The following KCTD1 variants were observed in gnomAD, a reference collection of about 807,000 sequenced individuals.
KCTD1 encodes the protein BTB/POZ domain-containing protein KCTD1.
In KCTD1, 24 loss-of-function variants were observed where a neutral mutation model predicts 66.0. The ratio of observed to expected loss-of-function variants is 0.36; its 90% confidence interval spans 0.26 to 0.51. The LOEUF (loss-of-function observed/expected upper bound fraction) is 0.51. Ranked by LOEUF, KCTD1 falls within the 20% of genes least tolerant of loss-of-function variation. The pLI is 0.95. For missense variants in KCTD1, 943 were observed against 1,205.2 expected (o/e 0.78, Z 3.22); for synonymous variants, 511 against 517.2 (o/e 0.99, Z 0.16).
chr18:26,642,067 T>C (rs991379077), upstream of KCTD1, among the ~76,000 whole-genome samples: 1 of 152,208 alleles, frequency 6.6e-6, no homozygotes, highest in Non-Finnish European at 1.5e-5. Context: ...CTTCCCTGCC[T>C]GACACTTTTC....
At chr18:26,519,234 C>T (rs1056375752) in intron 1 of KCTD1, among the ~76,000 whole-genome samples, 2 of 152,280 alleles carry the variant, frequency 1.3e-5, no homozygotes, top group African/African-American at 4.8e-5. Flanking sequence ...TAGATAGTCA[C>T]TGCTTAAAGA....
chr18:26,455,936 T>A (rs1338437499), intron 4 of KCTD1, 35 bp from the exon 5 acceptor site: 1 of 1,603,676 alleles, frequency 6.2e-7, no homozygotes, highest in African/African-American at 1.3e-5. Flanking sequence ...CAGTTAGGGG[T>A]GAGGTAAGTC....
At position 26,584,788 on chromosome 18, in the gene KCTD1, A is replaced by G. The variant is rs527981322; in HGVS notation, c.-16+44359T>C. On this transcript the variant is annotated intron_variant, in intron 1 of 4. Coordinates refer to the KCTD1 transcript ENST00000317932. ...TGAGGCAAGAAAGGGTTCCTAGAGT[A>G]GGTGAAGTATAAACTGAGTGCTGAA... Among the ~76,000 whole-genome samples the G allele has an allele frequency of 9.2e-5, 14 of 152,292 alleles. No homozygotes were observed. In the South Asian group the frequency reaches 2.7e-3, roughly 29 times the overall value.
chr18:26,657,007 C>G (rs1235275323), intron 1 of KCTD1, among the ~76,000 whole-genome samples: 1 of 150,356 alleles, frequency 6.7e-6, no homozygotes, highest in African/African-American at 2.4e-5. Context: ...GCCACGGCGG[C>G]TCCTCTCCGA....
At chr18:26,556,763 C>A (rs1985716559) in intron 1 of KCTD1, among the ~76,000 whole-genome samples, 1 of 152,098 alleles carries the variant, frequency 6.6e-6, no homozygotes, top group Admixed American at 6.5e-5. Flanking sequence ...ATAACTTGCC[C>A]AACCTCACAG....
At chr18:26,619,640 G>A (rs1430861370) in intron 1 of KCTD1, among the ~76,000 whole-genome samples, 1 of 152,168 alleles carries the variant, frequency 6.6e-6, no homozygotes, top group Non-Finnish European at 1.5e-5. Flanking sequence ...TAAGGCCTGG[G>A]CACTGGAATC....
intron 1 of KCTD1, among the ~76,000 whole-genome samples, chr18:26,615,326 G>T (rs1226680225): frequency 6.6e-6 from 1 of 152,168 alleles, no homozygotes; most frequent in East Asian, 1.9e-4. Flanking sequence ...TGGAGCAAGG[G>T]TGGGTTATGT....
rs117754981 is a variant in KCTD1, at chr18:26,564,585, G to A, written c.-15-63335C>T. Among the ~76,000 whole-genome samples the A allele has an allele frequency of 1.2e-3, 189 of 152,178 alleles. 1 individual carries two copies. In the East Asian group the frequency reaches 0.022, roughly 18 times the overall value. On this transcript the variant is annotated intron_variant, in intron 1 of 4. Coordinates refer to the KCTD1 transcript ENST00000317932. ...CCCAGCAAGGCTGCCGTGTGTGTAT[G>A]TGTGTGTGTAATAACAGTTTCAGGC...
intron 3 of KCTD1, among the ~76,000 whole-genome samples, chr18:26,464,491 G>T (rs560841139): frequency 1.2e-4 from 18 of 152,360 alleles, no homozygotes; most frequent in Admixed American, 7.8e-4. Context: ...TGTATTCACA[G>T]GTTCTGAGGA....
chr18:26,458,179 C>T (rs1305089020), intron 4 of KCTD1: 1 of 152,386 alleles, frequency 6.6e-6, no homozygotes, highest in Admixed American at 6.5e-5. Flanking sequence ...AACCCTGCGA[C>T]CCAGCAGCCA....
intron 1 of KCTD1, among the ~76,000 whole-genome samples, chr18:26,606,788 T>C (rs1018031959): frequency 7.2e-5 from 11 of 152,328 alleles, no homozygotes; most frequent in Admixed American, 2.6e-4. Context: ...AGGTGACACA[T>C]AGACTCGTGT....
intron 2 of KCTD1, among the ~76,000 whole-genome samples, chr18:26,482,378 G>A (rs1244189154): frequency 1.3e-5 from 2 of 152,120 alleles, no homozygotes; most frequent in African/African-American, 4.8e-5. Context: ...TCAAACTGCT[G>A]GTACAATCAT....
chr18:26,578,429 C>G (rs1373268522), intron 1 of KCTD1, among the ~76,000 whole-genome samples: 1 of 152,142 alleles, frequency 6.6e-6, no homozygotes, highest in Non-Finnish European at 1.5e-5. Context: ...TTAGTATTTG[C>G]TCCTATTTAT....
chr18:26,559,462 G>A (rs980958662), intron 1 of KCTD1, among the ~76,000 whole-genome samples: 1 of 152,246 alleles, frequency 6.6e-6, no homozygotes, highest in African/African-American at 2.4e-5. Context: ...GATTCAGCCA[G>A]TCTGGGGTGG....
chr18:26,653,743 AC>A (rs752338039), intron 1 of KCTD1, among the ~76,000 whole-genome samples: 29 of 152,248 alleles, frequency 1.9e-4, no homozygotes, highest in South Asian at 2.1e-4. Context: ...AAACTCATCA[AC>A]AAGCAAAACA....
chr18:26,466,464 T>C (rs1214571031), intron 3 of KCTD1, among the ~76,000 whole-genome samples: 1 of 152,218 alleles, frequency 6.6e-6, no homozygotes, highest in Non-Finnish European at 1.5e-5. Context: ...AGGAGTAATT[T>C]TGACACTAGA....
intron 1 of KCTD1, among the ~76,000 whole-genome samples, chr18:26,606,048 CAGG>C (rs56335649): frequency 0.061 from 9,240 of 152,130 alleles, 289 homozygotes; most frequent in Admixed American, 0.078. Flanking sequence ...CAGCTCAAAG[CAGG>C]AGATTTCAGG....
Position 26,501,169 on chromosome 18 carries a change from C to A in KCTD1, c.1891G>T (p.Ala631Ser). 2 of 1,614,130 alleles carry A rather than the reference C, an allele frequency of 1.2e-6. No individual in the cohort carries two copies. The highest frequency in any genetic ancestry group is 8.5e-7 in the Non-Finnish European group (1 of 1,180,026). ...GGCGCATTGGATTTTGTGAGTTGTG[C>A]TGGAGTAGGGATGCCTTGGTTGTTC... is the stretch of plus-strand genomic sequence containing the variant. ...PLNNQGIPTP[A>S]QLTKSNAPVH... The change falls in exon 2 of 5, where the codon GCA (alanine) becomes TCA (serine). Residue 631 changes from alanine to serine, a missense_variant. Ala to Ser is a moderately conservative substitution (Grantham distance 99). Coordinates refer to ENST00000580059, the MANE Select transcript of KCTD1 (RefSeq NM_001142730.3).
chr18:26,636,457 C>A (rs1291121595), intron 1 of KCTD1, among the ~76,000 whole-genome samples: 4 of 152,186 alleles, frequency 2.6e-5, no homozygotes, highest in African/African-American at 9.7e-5. Flanking sequence ...TCCTTCCCTG[C>A]TGCCTGAGAC....
Sources: gnomAD v4.1 joint callset for allele counts (sites outside exome capture counted in the v4.1 genomes callset) on GRCh38, gnomAD v4.1.1 for gene constraint, MANE v1.5 for transcripts, NCBI Gene and HGNC (gene_info 2026-07-23, HGNC 2026-07-21) for gene names.